The following PHACTR2 variants were observed in gnomAD, a reference collection of about 807,000 sequenced individuals.
PHACTR2 encodes the protein chromosome 6 open reading frame 56.
In PHACTR2, 30 loss-of-function variants were observed where a neutral mutation model predicts 76.0. The observed-to-expected ratio is 0.39, with a 90% CI of 0.30 to 0.54. The LOEUF (loss-of-function observed/expected upper bound fraction) is 0.54. PHACTR2 is among the 20% of genes least tolerant of loss of function. The pLI, the probability that PHACTR2 is intolerant of heterozygous loss-of-function variation, is 0.61. For missense variants in PHACTR2, 696 were observed against 781.1 expected, an observed-to-expected ratio of 0.89 and a Z score of 1.30; for synonymous variants, 292 against 292.5, an observed-to-expected ratio of 1.00 and a Z score of 0.02.
At chr6:143,568,988 C>T (rs1775402817) in intron 1 of PHACTR2, among the ~76,000 whole-genome samples, 1 of 152,246 alleles carries the variant, frequency 6.6e-6, no homozygotes, top group African/African-American at 2.4e-5. Flanking sequence ...GTTCTGCTCT[C>T]TTGGTTGCTT....
rs202163874 is a variant in PHACTR2 at position 143,619,161 on chromosome 6, T to C, written c.13+10839T>C. Among the ~76,000 whole-genome samples, 17 of 101,478 alleles carry C rather than the reference T, an allele frequency of 1.7e-4. No homozygotes were observed. Among genetic ancestry groups the C allele is most frequent in the Admixed American group, 3.7e-4 (4 of 10,690 alleles). The allele number at this position is 101,478 out of a possible 152,430, so 66.6% of individuals were successfully genotyped here. On this transcript the variant is annotated intron_variant, in intron 1 of 11. Coordinates refer to the PHACTR2 transcript ENST00000305766. This position sits in a 1 kb window ranked among gnomAD's most constrained non-coding sequence, Gnocchi z 4.5. ...ATTAAAATCTTCCTGCCTGTCTGTCTGTCCATCCATCCATCCATCTACCTG... is the reference window on the plus strand; with the variant it reads ...ATTAAAATCTTCCTGCCTGTCTGTCCGTCCATCCATCCATCCATCTACCTG...
chr6:143,577,036 T>C (rs1775524122), intron 1 of PHACTR2, among the ~76,000 whole-genome samples: 4 of 133,624 alleles, frequency 3.0e-5, no homozygotes, highest in Admixed American at 2.2e-4. Flanking sequence ...GTGCTTTAAT[T>C]TGTATAAAAT....
chr6:143,811,469 T>A lies in PHACTR2; in HGVS notation c.1922+4336T>A, dbSNP rs1403390414. 6.6e-6 allele frequency among the ~76,000 whole-genome samples: 1 copy of A among 152,180 alleles called. No individual in the cohort carries two copies. The highest frequency in any genetic ancestry group is 1.5e-5 in the Non-Finnish European group (1 of 68,022). On this transcript the variant is annotated intron_variant, in intron 12 of 12. Transcript: ENST00000440869. The surrounding 1 kb of genome is among the most constrained non-coding windows in gnomAD (Gnocchi z 4.1). ...TCTATTGATATTTTTATTGCTTATG[T>A]AAATATAAACAGATGCAAATATATA... is the stretch of plus-strand genomic sequence containing the variant.
rs979870018 is a variant in PHACTR2 at position 143,784,337 on chromosome 6, T to C, written c.1707+1057T>C. ...ATCTGATGTTAGGGCCATCACTTTTTTCTGTGTTAAAGTAATAGCCTTTGG... is the reference window on the plus strand; with the variant it reads ...ATCTGATGTTAGGGCCATCACTTTTCTCTGTGTTAAAGTAATAGCCTTTGG... On this transcript the variant is annotated intron_variant, in intron 10 of 12. Transcript: ENST00000440869. This position sits in a 1 kb window ranked among gnomAD's most constrained non-coding sequence, Gnocchi z 4.5. Among the ~76,000 whole-genome samples the C allele has an allele frequency of 1.3e-5, 2 of 152,230 alleles. No individual in the cohort carries two copies. The highest frequency in any genetic ancestry group is 2.4e-5 in the African/African-American group (1 of 41,462).
chr6:143,758,340 T>C (rs1311317981), intron 4 of PHACTR2, among the ~76,000 whole-genome samples: 1 of 152,236 alleles, frequency 6.6e-6, no homozygotes, highest in Non-Finnish European at 1.5e-5. Flanking sequence ...TGACTTTCAC[T>C]ATGGATGACA....
intron 2 of PHACTR2, among the ~76,000 whole-genome samples, chr6:143,735,876 T>TA (rs1039167989): frequency 2.6e-4 from 39 of 152,276 alleles, no homozygotes; most frequent in African/African-American, 8.2e-4. Flanking sequence ...TAGTTTTTCC[T>TA]AAAAAAATTA....
intron 4 of PHACTR2, among the ~76,000 whole-genome samples, chr6:143,756,710 A>G (rs1417347822): frequency 6.6e-6 from 1 of 151,192 alleles, no homozygotes; most frequent in African/African-American, 2.4e-5. Context: ...AAAAAAAAAA[A>G]AAAAAGAGCA....
At chr6:143,631,292 G>A (rs1418353575) in intron 1 of PHACTR2, among the ~76,000 whole-genome samples, 1 of 152,162 alleles carries the variant, frequency 6.6e-6, no homozygotes, top group Non-Finnish European at 1.5e-5. Context: ...CTGGGCTCAA[G>A]CGATCCTCCT....
At chr6:143,706,018 T>G (rs1276434313) in intron 1 of PHACTR2, among the ~76,000 whole-genome samples, 1 of 152,206 alleles carries the variant, frequency 6.6e-6, no homozygotes, top group African/African-American at 2.4e-5. Context: ...GAGTATGGAT[T>G]TGTGGATGTT....
intron 10 of PHACTR2, among the ~76,000 whole-genome samples, chr6:143,785,121 C>A (rs1266477319): frequency 6.6e-6 from 1 of 152,180 alleles, no homozygotes; most frequent in South Asian, 2.1e-4. Context: ...AAAGTCTCAT[C>A]TGAGACAAGG....
At chr6:143,770,824 T>G (rs1775081858) in intron 6 of PHACTR2, among the ~76,000 whole-genome samples, 1 of 151,854 alleles carries the variant, frequency 6.6e-6, no homozygotes, top group Non-Finnish European at 1.5e-5. Flanking sequence ...ATTGGCAATC[T>G]TTGTACATTA....
Position 143,537,197 on chromosome 6 carries a change from C to T in PHACTR2, c.207C>T (p.Ile69=), listed in dbSNP as rs1781125349. The change falls in exon 1 of 12, where the codon ATC becomes ATT. Residue 69 remains isoleucine (I), a synonymous_variant. Transcript: ENST00000367584. This position sits in a 1 kb window ranked among gnomAD's most constrained non-coding sequence, Gnocchi z 4.4. ...GGGGCCGCCCGCTCCGGGTCCACAT[C>T]TCCGGCTCAGGTAAGAGCGGCTCGG... 2 of 290,128 alleles carry T rather than the reference C, an allele frequency of 6.9e-6. No individual in the cohort carries two copies. Among genetic ancestry groups the T allele is most frequent in the Non-Finnish European group, 1.3e-5 (2 of 148,942 alleles). The allele number at this position is 290,128 out of a possible 1,614,324, so 18.0% of individuals were successfully genotyped here.
At chr6:143,778,656 AG>A (rs1423558008) in intron 9 of PHACTR2, among the ~76,000 whole-genome samples, 3 of 152,200 alleles carry the variant, frequency 2.0e-5, no homozygotes, top group Admixed American at 2.0e-4. Flanking sequence ...CAAACCAAAA[AG>A]GTTCATTGCT....
rs13200953 is a variant in PHACTR2, at chr6:143,633,282, T to C, written c.13+24960T>C. Among the ~76,000 whole-genome samples the C allele has an allele frequency of 0.043, 6,605 of 152,320 alleles. 179 individuals carry two copies. The highest frequency in any genetic ancestry group is 0.078 in the Middle Eastern group (23 of 294). On this transcript the variant is annotated intron_variant, in intron 1 of 11. Transcript: ENST00000305766. The surrounding 1 kb of genome is among the most constrained non-coding windows in gnomAD (Gnocchi z 4.1). ...CTCTACCAGGATTTGGTGTTGTCAATGTTCTGGATTTTGACCATTCTCAAA... is the reference window on the plus strand; with the variant it reads ...CTCTACCAGGATTTGGTGTTGTCAACGTTCTGGATTTTGACCATTCTCAAA...
Position 143,678,182 on chromosome 6 carries a change from T to C in PHACTR2, c.19T>C (p.Ser7Pro), listed in dbSNP as rs1777292445. Residue 7 changes from serine to proline, a missense_variant, in exon 1 of 13, where the codon TCC (serine) becomes CCC (proline). Coordinates refer to ENST00000440869, the MANE Select transcript of PHACTR2 (RefSeq NM_001100164.2). The surrounding 1 kb of genome is among the most constrained non-coding windows in gnomAD (Gnocchi z 6.2). MGQTSVSTLSPQPGSVD... is the reference protein window; with the variant it reads MGQTSVPTLSPQPGSVD... Reference sequence around the variant, plus strand: ...CCCAGTCATGGGCCAGACCTCGGTGTCCACGCTGTCCCCGCAGCCCGGCAG... The same window carrying C: ...CCCAGTCATGGGCCAGACCTCGGTGCCCACGCTGTCCCCGCAGCCCGGCAG... The C allele has an allele frequency of 6.5e-7, 1 of 1,539,290 alleles. No individual in the cohort carries two copies. Among genetic ancestry groups the C allele is most frequent in the Non-Finnish European group, 8.8e-7 (1 of 1,142,246 alleles).
At chr6:143,814,595 CTT>C (rs61652528) in intron 12 of PHACTR2, among the ~76,000 whole-genome samples, 12,103 of 108,172 alleles carry the variant, frequency 0.11, 718 homozygotes, top group South Asian at 0.23. Flanking sequence ...GACATACACA[CTT>C]TTTTTTTTTT....
At position 143,782,036 on chromosome 6, in the gene PHACTR2, A is replaced by G. The variant is rs1162967370; in HGVS notation, c.1646-1183A>G. 6.6e-6 allele frequency among the ~76,000 whole-genome samples: 1 copy of G among 152,220 alleles called. No homozygotes were observed. Among genetic ancestry groups the G allele is most frequent in the Non-Finnish European group, 1.5e-5 (1 of 68,032 alleles). On this transcript the variant is annotated intron_variant, in intron 9 of 12. Coordinates refer to ENST00000440869, the MANE Select transcript of PHACTR2 (RefSeq NM_001100164.2). This position sits in a 1 kb window ranked among gnomAD's most constrained non-coding sequence, Gnocchi z 4.6. ...AATACAGCTGTTGCAAATATTGAAT[A>G]CTGATATGTTATTCACAGTAAAAAT... is the stretch of plus-strand genomic sequence containing the variant.
At chr6:143,779,883 A>G (rs999333571) in intron 9 of PHACTR2, among the ~76,000 whole-genome samples, 3 of 144,810 alleles carry the variant, frequency 2.1e-5, no homozygotes, top group South Asian at 4.3e-4. Flanking sequence ...TTAAAAAGAC[A>G]TATTACATAT....
At chr6:143,594,730 G>C (rs558572303) in intron 1 of PHACTR2, among the ~76,000 whole-genome samples, 2 of 152,258 alleles carry the variant, frequency 1.3e-5, no homozygotes, top group Non-Finnish European at 2.9e-5. Context: ...CTAGCCAGCC[G>C]CACATGGGCT....
Sources: allele counts gnomAD v4.1 joint callset (sites outside exome capture counted in the v4.1 genomes callset), GRCh38; gene constraint gnomAD v4.1.1; non-coding constraint Gnocchi (gnomAD v3.1); transcripts MANE v1.5; gene names NCBI Gene and HGNC (gene_info 2026-07-23, HGNC 2026-07-21).